The following SNX29 variants were observed in gnomAD, a reference collection of about 807,000 sequenced individuals.
SNX29 encodes sorting nexin-29.
A neutral mutation model predicts 102.1 loss-of-function variants in SNX29; 78 were observed. The observed-to-expected ratio is 0.76, with a 90% confidence interval of 0.64 to 0.92. The LOEUF (loss-of-function observed/expected upper bound fraction) is 0.92, where lower values mean the gene tolerates loss of function less well. Ranked by LOEUF, SNX29 falls within the 40% of genes least tolerant of loss-of-function variation. SNX29 has a pLI of 0.00. For missense variants in SNX29, 1,280 were observed against 1,061.7 expected (o/e 1.21, Z -2.86); for synonymous variants, 580 against 414.5 (o/e 1.40, Z -4.85).
chr16:12,557,284 A>AC (rs2078428727), intron 20 of SNX29: 2 of 152,332 alleles, frequency 1.3e-5, no homozygotes, highest in South Asian at 4.1e-4. Flanking sequence ...GGCAGAAGAG[A>AC]CCTGGGACCC....
chr16:12,510,515 A>G (rs1284237033), intron 19 of SNX29, among the ~76,000 whole-genome samples: 1 of 152,112 alleles, frequency 6.6e-6, no homozygotes, highest in Non-Finnish European at 1.5e-5. Flanking sequence ...TCTACTAAAA[A>G]GACAAAAATT....
chr16:12,413,453 A>T (rs2151554830), intron 18 of SNX29, among the ~76,000 whole-genome samples: 1 of 152,122 alleles, frequency 6.6e-6, no homozygotes, highest in South Asian at 2.1e-4. Context: ...GGGTGCAGTG[A>T]TCTCTCAGAA....
intron 19 of SNX29, among the ~76,000 whole-genome samples, chr16:12,501,310 A>T (rs2089110757): frequency 6.6e-6 from 1 of 152,184 alleles, no homozygotes. Context: ...AGGCTGAGGC[A>T]GAAGGATTGC....
intron 18 of SNX29, among the ~76,000 whole-genome samples, chr16:12,435,966 G>C (rs554048804): frequency 6.6e-6 from 1 of 152,338 alleles, no homozygotes; most frequent in East Asian, 1.9e-4. Context: ...GTTACTTCCC[G>C]TAGGCCCAGG....
At chr16:12,064,997 G>C (rs1470569672) in intron 9 of SNX29, among the ~76,000 whole-genome samples, 1 of 152,170 alleles carries the variant, frequency 6.6e-6, no homozygotes, top group African/African-American at 2.4e-5. Flanking sequence ...ACTGACAGTG[G>C]GGATAGTTAG....
chr16:12,263,174 C>A (rs1368449729), intron 14 of SNX29, among the ~76,000 whole-genome samples: 1 of 151,566 alleles, frequency 6.6e-6, no homozygotes, highest in African/African-American at 2.4e-5. Flanking sequence ...CTCTGTCACC[C>A]AAGCTGGAGT....
intron 20 of SNX29, among the ~76,000 whole-genome samples, chr16:12,529,763 T>A (rs1416238080): frequency 6.6e-6 from 1 of 152,196 alleles, no homozygotes; most frequent in Non-Finnish European, 1.5e-5. Context: ...GTTCTCCCAG[T>A]GAGCAGGTTA....
At chr16:12,540,151 A>T (rs556420783) in intron 20 of SNX29, among the ~76,000 whole-genome samples, 2 of 152,158 alleles carry the variant, frequency 1.3e-5, no homozygotes, top group East Asian at 3.8e-4. Flanking sequence ...ATAGCTTTAC[A>T]TTTTAGATCT....
At chr16:12,138,368 C>T (rs563679601) in intron 13 of SNX29, among the ~76,000 whole-genome samples, 2 of 152,086 alleles carry the variant, frequency 1.3e-5, no homozygotes, top group East Asian at 3.9e-4. Flanking sequence ...CCACCATGCC[C>T]AGCTCATTTG....
intron 18 of SNX29, among the ~76,000 whole-genome samples, chr16:12,442,104 T>A (rs1203715936): frequency 2.0e-5 from 3 of 152,160 alleles, no homozygotes; most frequent in Non-Finnish European, 4.4e-5. Flanking sequence ...ATATATGGTA[T>A]GAGGTAAGGA....
intron 8 of SNX29, chr16:12,060,759 A>G (rs2050739487): frequency 2.2e-6 from 1 of 456,178 alleles, no homozygotes; most frequent in African/African-American, 2.0e-5. Flanking sequence ...CAAGTGCTGC[A>G]GGGGCAATTA....
chr16:12,469,840 G>A (rs1300679871), intron 18 of SNX29, among the ~76,000 whole-genome samples: 8 of 152,054 alleles, frequency 5.3e-5, no homozygotes, highest in Admixed American at 2.0e-4. Context: ...GTGAAACCCC[G>A]TCTCTACTAA....
intron 14 of SNX29, among the ~76,000 whole-genome samples, chr16:12,263,738 A>C (rs539552753): frequency 1.1e-4 from 16 of 152,276 alleles, no homozygotes; most frequent in Admixed American, 1.3e-4. Context: ...GAGAGTGACA[A>C]ATTTTGTCTT....
chr16:12,469,500 A>C (rs1349247320), intron 18 of SNX29, among the ~76,000 whole-genome samples: 1 of 152,176 alleles, frequency 6.6e-6, no homozygotes, highest in African/African-American at 2.4e-5. Context: ...TGTTATCCTC[A>C]TGTCATCTGA....
Position 12,572,527 on chromosome 16 carries a change from C to A in SNX29, c.*3898C>A. The A allele has an allele frequency of 1.9e-6, 2 of 1,064,210 alleles. No individual in the cohort carries two copies. The highest frequency in any genetic ancestry group is 9.1e-5 in the South Asian group (2 of 21,962). The allele number at this position is 1,064,210 out of a possible 1,614,324, so 65.9% of individuals were successfully genotyped here. ...CTTCCTGCTCCACGTGCTCAAGCCCCCACAGGGGGCTGCGACACCATCTGG... is the reference window on the plus strand; with the variant it reads ...CTTCCTGCTCCACGTGCTCAAGCCCACACAGGGGGCTGCGACACCATCTGG... On this transcript the variant is annotated 3_prime_UTR_variant, in exon 21 of 21. Coordinates refer to ENST00000566228, the MANE Select transcript of SNX29 (RefSeq NM_032167.5).
At chr16:12,402,980 A>T (rs949323628) in intron 17 of SNX29, among the ~76,000 whole-genome samples, 3 of 152,186 alleles carry the variant, frequency 2.0e-5, no homozygotes, top group African/African-American at 7.2e-5. Flanking sequence ...GCTCAGGGTC[A>T]GGGTCTAAAG....
At chr16:12,568,302 GTT>G (rs1567224267) in intron 20 of SNX29, among the ~76,000 whole-genome samples, 7 of 18,976 alleles carry the variant, frequency 3.7e-4, no homozygotes, top group East Asian at 3.4e-3. Context: ...TCGGAGTGCT[GTT>G]AAAAAAAAAA....
At chr16:12,451,025 G>A (rs918647561) in intron 18 of SNX29, among the ~76,000 whole-genome samples, 1 of 152,118 alleles carries the variant, frequency 6.6e-6, no homozygotes, top group African/African-American at 2.4e-5. Context: ...CCATGGCTCT[G>A]CACAGAATAT....
intron 15 of SNX29, among the ~76,000 whole-genome samples, chr16:12,322,238 G>A (rs1201723893): frequency 6.6e-6 from 1 of 152,164 alleles, no homozygotes; most frequent in Non-Finnish European, 1.5e-5. Flanking sequence ...TCCCTGAGTG[G>A]CCTAACCTAC....
Sources: gnomAD v4.1 joint callset for allele counts (sites outside exome capture counted in the v4.1 genomes callset) on GRCh38, gnomAD v4.1.1 for gene constraint, MANE v1.5 for transcripts, NCBI Gene and HGNC (gene_info 2026-07-23, HGNC 2026-07-21) for gene names.